ADGRL3: variants seen among roughly 807,000 people sequenced by gnomAD.
ADGRL3 encodes the protein adhesion G protein-coupled receptor L3, also known as calcium-independent alpha-latrotoxin receptor 3.
In ADGRL3, 62 loss-of-function variants were observed where a neutral mutation model predicts 153.5. The ratio of observed to expected loss-of-function variants is 0.40; its 90% confidence interval spans 0.33 to 0.50. The LOEUF is 0.50. Ranked by LOEUF, ADGRL3 falls within the 20% of genes least tolerant of loss-of-function variation. The pLI is 0.47. For synonymous variants in ADGRL3, 710 were observed against 672.5 expected, an observed-to-expected ratio of 1.06 and a Z score of -0.86; for missense variants, 1,641 against 1,859.4, an observed-to-expected ratio of 0.88 and a Z score of 2.16.
rs72638599 is a variant in ADGRL3, at chr4:61,920,058, G to A, written c.2112+7301G>A. 9.8e-3 allele frequency among the ~76,000 whole-genome samples: 1,490 copies of A among 152,058 alleles called. 17 individuals carry two copies. Among genetic ancestry groups the A allele is most frequent in the South Asian group, 0.051 (245 of 4,826 alleles). Reference sequence around the variant, plus strand: ...ATTCTCTTCTCTTATTTAATTTTCTGATCAAAGCCTGGGCCATTATGTAAT... The same window carrying A: ...ATTCTCTTCTCTTATTTAATTTTCTAATCAAAGCCTGGGCCATTATGTAAT... On this transcript the variant is annotated intron_variant, in intron 13 of 26. Coordinates refer to ENST00000683033, the MANE Select transcript of ADGRL3 (RefSeq NM_001387552.1).
intron 21 of ADGRL3, among the ~76,000 whole-genome samples, chr4:62,009,534 G>A (rs984505554): frequency 1.7e-4 from 26 of 152,072 alleles, no homozygotes; most frequent in African/African-American, 6.3e-4. Flanking sequence ...AGAGAAAAAA[G>A]AGACTAAATA....
chr4:61,966,671 G>T lies in ADGRL3; in HGVS notation c.2806-12892G>T, dbSNP rs867730800. 5.9e-5 allele frequency among the ~76,000 whole-genome samples: 9 copies of T among 151,946 alleles called. No individual in the cohort carries two copies. The South Asian group carries it at 1.0e-3, about 18-fold the overall frequency. On this transcript the variant is annotated intron_variant, in intron 17 of 26. Coordinates refer to ENST00000683033, the MANE Select transcript of ADGRL3 (RefSeq NM_001387552.1). ...AATAAGAAAATTTAGAGCTAGAAAT[G>T]AGCCCAGAAAACTCTGTTTCAATGA...
At chr4:62,025,289 CT>C (rs1422557487) in intron 21 of ADGRL3, among the ~76,000 whole-genome samples, 6 of 152,270 alleles carry the variant, frequency 3.9e-5, no homozygotes, top group African/African-American at 1.4e-4. Flanking sequence ...CAACTTAAAA[CT>C]TTAATAACAT....
intron 13 of ADGRL3, among the ~76,000 whole-genome samples, chr4:61,914,329 T>G (rs1450560096): frequency 6.6e-6 from 1 of 152,114 alleles, no homozygotes; most frequent in Non-Finnish European, 1.5e-5. Context: ...ATAGCTAGGT[T>G]CATGACTCAG....
chr4:61,442,060 C>T (rs939531283), intron 2 of ADGRL3, among the ~76,000 whole-genome samples: 4 of 152,018 alleles, frequency 2.6e-5, no homozygotes, highest in African/African-American at 7.3e-5. Context: ...CTAGGATGTA[C>T]AATGTACTGA....
intron 8 of ADGRL3, among the ~76,000 whole-genome samples, chr4:61,798,021 G>A (rs2097435805): frequency 6.6e-6 from 1 of 152,186 alleles, no homozygotes; most frequent in African/African-American, 2.4e-5. Flanking sequence ...AAATAGAAGA[G>A]TGAGGATGAT....
At chr4:61,771,215 A>AAG (rs1406026269) in intron 8 of ADGRL3, among the ~76,000 whole-genome samples, 6 of 152,164 alleles carry the variant, frequency 3.9e-5, no homozygotes, top group Admixed American at 6.5e-5. Flanking sequence ...CACTGTGGGC[A>AAG]TGTTTAGGCA....
In ADGRL3 at chr4:61,448,613, C is replaced by T. The variant is rs192841569; in HGVS notation, c.-173-48508C>T. Among the ~76,000 whole-genome samples the T allele has an allele frequency of 3.4e-4, 51 of 152,076 alleles. No homozygotes were observed. In the East Asian group the frequency reaches 8.3e-3, roughly 25 times the overall value. On this transcript the variant is annotated intron_variant, in intron 2 of 26. Transcript: ENST00000683033. ...TTGATCATTACTCCTTACATTCTGTCGGCTTCAACTATTTAAATGGAAATT... is the reference window on the plus strand; with the variant it reads ...TTGATCATTACTCCTTACATTCTGTTGGCTTCAACTATTTAAATGGAAATT...
rs1992978 is a variant in ADGRL3 at position 61,226,491 on chromosome 4, G to A, written c.-240+24726G>A. Among the ~76,000 whole-genome samples, 900 of 152,218 alleles carry A rather than the reference G, an allele frequency of 5.9e-3. 9 individuals carry two copies. Among genetic ancestry groups the A allele is most frequent in the African/African-American group, 0.016 (671 of 41,536 alleles). ...ACATGTGTGGTTATTTTAATGTTAC[G>A]TCTGGTAATAGCAGAACTCAGATTT... On this transcript the variant is annotated intron_variant, in intron 1 of 26. Coordinates refer to ENST00000683033, the MANE Select transcript of ADGRL3 (RefSeq NM_001387552.1).
intron 8 of ADGRL3, among the ~76,000 whole-genome samples, chr4:61,756,872 G>A (rs1388083920): frequency 6.6e-6 from 1 of 152,146 alleles, no homozygotes; most frequent in African/African-American, 2.4e-5. Flanking sequence ...CATCTATTGA[G>A]ATAATCATAT....
At chr4:61,919,260 C>A (rs1227169118) in intron 13 of ADGRL3, among the ~76,000 whole-genome samples, 3 of 152,136 alleles carry the variant, frequency 2.0e-5, no homozygotes, top group African/African-American at 7.2e-5. Context: ...GCATCAAAGC[C>A]AACCCAAACT....
intron 25 of ADGRL3, among the ~76,000 whole-genome samples, chr4:62,050,042 A>G (rs1733274279): frequency 1.3e-5 from 2 of 152,072 alleles, no homozygotes; most frequent in Non-Finnish European, 2.9e-5. Flanking sequence ...ATTAAAACCC[A>G]TCATTCACTA....
At chr4:61,757,567 C>G (rs916864110) in intron 8 of ADGRL3, among the ~76,000 whole-genome samples, 3 of 152,070 alleles carry the variant, frequency 2.0e-5, no homozygotes, top group African/African-American at 7.2e-5. Context: ...TTTCAAAAAA[C>G]CAGCTCCTGG....
intron 1 of ADGRL3, among the ~76,000 whole-genome samples, chr4:61,316,557 G>A (rs188409526): frequency 7.6e-4 from 115 of 152,296 alleles, no homozygotes; most frequent in African/African-American, 2.6e-3. Flanking sequence ...GACGTATCTT[G>A]TTTACACCGT....
chr4:61,562,964 A>G (rs746531894), intron 4 of ADGRL3, among the ~76,000 whole-genome samples: 2 of 141,870 alleles, frequency 1.4e-5, no homozygotes, highest in East Asian at 2.1e-4. Context: ...AAAAAAAAAA[A>G]GGTGATTCAT....
chr4:61,719,372 T>C (rs1429820899), intron 6 of ADGRL3, among the ~76,000 whole-genome samples: 2 of 152,154 alleles, frequency 1.3e-5, no homozygotes, highest in South Asian at 4.1e-4. Flanking sequence ...GGAATCATGC[T>C]ACTGAATTGT....
At chr4:61,213,743 A>G (rs552749032) in intron 1 of ADGRL3, among the ~76,000 whole-genome samples, 2 of 152,282 alleles carry the variant, frequency 1.3e-5, no homozygotes, top group South Asian at 4.1e-4. Context: ...CGTAATGTAG[A>G]CATACTATGA....
At chr4:61,782,965 T>C (rs1034673603) in intron 8 of ADGRL3, among the ~76,000 whole-genome samples, 14 of 152,192 alleles carry the variant, frequency 9.2e-5, no homozygotes, top group Admixed American at 2.6e-4. Flanking sequence ...TAAGTGACTT[T>C]GTTGTATCAT....
Position 61,200,465 on chromosome 4 carries a change from G to A in ADGRL3, c.-1540G>A, listed in dbSNP as rs1383176173. ...CGGCACCGCTCGCTCCAGTTCCCAG[G>A]AGCGGGGATGCAGATGCTGCAGCTG... On this transcript the variant is annotated 5_prime_UTR_variant, in exon 1 of 27. Coordinates refer to ENST00000683033, the MANE Select transcript of ADGRL3 (RefSeq NM_001387552.1). 5.9e-5 allele frequency among the ~76,000 whole-genome samples: 9 copies of A among 151,690 alleles called. No individual in the cohort carries two copies. The highest frequency in any genetic ancestry group is 1.5e-5 in the Non-Finnish European group (1 of 67,892).
Sources: allele counts gnomAD v4.1 joint callset (sites outside exome capture counted in the v4.1 genomes callset), GRCh38; gene constraint gnomAD v4.1.1; transcripts MANE v1.5; gene names NCBI Gene and HGNC (gene_info 2026-07-23, HGNC 2026-07-21).